Variants in RPS6KC1 observed in about 807,000 individuals in gnomAD.
The protein encoded by RPS6KC1 is inactive ribosomal protein S6 kinase delta-1.
Under a neutral mutation model 103.8 loss-of-function variants are expected in RPS6KC1, and 54 were observed. The ratio of observed to expected loss-of-function variants is 0.52; its 90% CI spans 0.42 to 0.65. The LOEUF (loss-of-function observed/expected upper bound fraction) is 0.65, where lower values mean the gene tolerates loss of function less well. Ranked by LOEUF, RPS6KC1 falls within the 30% of genes least tolerant of loss-of-function variation. The probability of loss-of-function intolerance (pLI) is 0.00; values close to 1 mark genes in which losing one functional copy is unlikely to be tolerated. For missense variants in RPS6KC1, 1,151 were observed against 1,253.8 expected, an observed-to-expected ratio of 0.92 and a Z score of 1.24; for synonymous variants, 439 against 438.7, an observed-to-expected ratio of 1.00 and a Z score of -0.01.
the RPS6KC1 span, among the ~76,000 whole-genome samples, chr1:213,753,390 T>C: frequency 3.3e-5 from 5 of 152,204 alleles, no homozygotes; most frequent in Non-Finnish European, 4.4e-5. Flanking sequence ...GGATATCTAC[T>C]TGTGATCACT....
At chr1:213,862,600 C>G in the RPS6KC1 span, among the ~76,000 whole-genome samples, 1 of 152,082 alleles carries the variant, frequency 6.6e-6, no homozygotes, top group Non-Finnish European at 1.5e-5. Context: ...AGTACTCAGT[C>G]CACTCTTCCC....
the RPS6KC1 span, among the ~76,000 whole-genome samples, chr1:213,801,338 C>T: frequency 6.6e-6 from 1 of 152,174 alleles, no homozygotes. Context: ...CCCTTTATCT[C>T]TTCTCTAAGA....
the RPS6KC1 span, among the ~76,000 whole-genome samples, chr1:213,296,952 C>T: frequency 6.6e-6 from 1 of 152,030 alleles, no homozygotes; most frequent in African/African-American, 2.4e-5. Flanking sequence ...TCCAGGTGGC[C>T]CTCTGCTCAG....
intron 1 of RPS6KC1, among the ~76,000 whole-genome samples, chr1:213,058,849 A>G (rs2148326983): frequency 6.6e-6 from 1 of 152,282 alleles, no homozygotes; most frequent in African/African-American, 2.4e-5. Context: ...TTAGGGAAAA[A>G]TGGACATCTT....
At chr1:213,602,613 CAAGAGAAGAG>C in the RPS6KC1 span, among the ~76,000 whole-genome samples, 9 of 152,156 alleles carry the variant, frequency 5.9e-5, no homozygotes, top group African/African-American at 1.9e-4. Context: ...TCAGGATCCC[CAAGAGAAGAG>C]GTTTTCTTAG....
At chr1:213,401,703 C>A in the RPS6KC1 span, among the ~76,000 whole-genome samples, 38 of 152,172 alleles carry the variant, frequency 2.5e-4, no homozygotes, top group African/African-American at 8.7e-4. Flanking sequence ...CGATGGCATC[C>A]CTGAGCTCTT....
chr1:213,073,599 T>C (rs1208426920), intron 2 of RPS6KC1, among the ~76,000 whole-genome samples: 3 of 152,198 alleles, frequency 2.0e-5, no homozygotes, highest in Admixed American at 1.3e-4. Flanking sequence ...AACAGGACTT[T>C]CTATGTATTA....
chr1:213,256,298 A>G (rs1450479413), intron 12 of RPS6KC1, among the ~76,000 whole-genome samples: 8 of 152,182 alleles, frequency 5.3e-5, no homozygotes, highest in Admixed American at 4.6e-4. Context: ...TCCAGGAAAG[A>G]TGGAAAATGG....
chr1:213,833,938 G>A, the RPS6KC1 span, among the ~76,000 whole-genome samples: 10 of 152,190 alleles, frequency 6.6e-5, no homozygotes, highest in Non-Finnish European at 1.3e-4. Flanking sequence ...ATTTGCTTCT[G>A]AAGTTAGAAG....
At chr1:213,643,637 T>C in the RPS6KC1 span, among the ~76,000 whole-genome samples, 75 of 152,076 alleles carry the variant, frequency 4.9e-4, 1 homozygote, top group African/African-American at 1.6e-3. Context: ...AACCCCCTTT[T>C]CTTATTTTGT....
At chr1:213,764,690 G>T in the RPS6KC1 span, among the ~76,000 whole-genome samples, 1 of 152,140 alleles carries the variant, frequency 6.6e-6, no homozygotes, top group Non-Finnish European at 1.5e-5. Flanking sequence ...TCAATGCAAA[G>T]CCTTGAAAAA....
At chr1:213,812,464 T>A in the RPS6KC1 span, among the ~76,000 whole-genome samples, 3 of 152,242 alleles carry the variant, frequency 2.0e-5, no homozygotes, top group Non-Finnish European at 4.4e-5. Flanking sequence ...GGTGTCTTGA[T>A]TTAATTTAGC....
intron 1 of RPS6KC1, among the ~76,000 whole-genome samples, chr1:213,064,809 C>T (rs997646209): frequency 6.7e-5 from 10 of 148,656 alleles, no homozygotes; most frequent in Admixed American, 2.0e-4. Context: ...TCCCGAGTAA[C>T]TGGGACTACA....
At chr1:213,602,116 CTTTCTCTTTCTT>C in the RPS6KC1 span, among the ~76,000 whole-genome samples, 2 of 33,070 alleles carry the variant, frequency 6.0e-5, no homozygotes, top group African/African-American at 1.3e-4. Context: ...TTCTTTCTTT[CTTTCTCTTTCTT>C]TCTTTCTTTC....
chr1:213,531,822 T>C, the RPS6KC1 span, among the ~76,000 whole-genome samples: 97,406 of 151,990 alleles, frequency 0.64, 33,551 homozygotes, highest in East Asian at 0.98. Context: ...GCACCTTTCC[T>C]TGAGTGGGCA....
the RPS6KC1 span, among the ~76,000 whole-genome samples, chr1:213,828,411 G>A: frequency 2.0e-5 from 3 of 152,144 alleles, no homozygotes; most frequent in African/African-American, 7.2e-5. Context: ...CTCTGGAAAT[G>A]AATGGATATC....
chr1:213,746,148 A>G, the RPS6KC1 span, among the ~76,000 whole-genome samples: 12 of 152,242 alleles, frequency 7.9e-5, no homozygotes, highest in Non-Finnish European at 1.5e-4. Context: ...TAAAAAGAAT[A>G]AACAGCACAT....
chr1:213,623,716 T>G, the RPS6KC1 span, among the ~76,000 whole-genome samples: 2 of 152,182 alleles, frequency 1.3e-5, no homozygotes, highest in African/African-American at 4.8e-5. Context: ...AAAATTGTCA[T>G]ATAAAATAGG....
At chr1:213,156,754 T>G (rs1382689975) in intron 6 of RPS6KC1, among the ~76,000 whole-genome samples, 3 of 152,226 alleles carry the variant, frequency 2.0e-5, no homozygotes, top group Non-Finnish European at 2.9e-5. Context: ...GAAAATATCT[T>G]TAAAAATATA....
Sources: allele counts gnomAD v4.1 joint callset (sites outside exome capture counted in the v4.1 genomes callset), GRCh38; gene constraint gnomAD v4.1.1; transcripts MANE v1.5; gene names NCBI Gene and HGNC (gene_info 2026-07-23, HGNC 2026-07-21).